The following CBARP variants were observed in gnomAD, a reference collection of about 807,000 sequenced individuals.
The protein encoded by CBARP is voltage-dependent calcium channel beta subunit-associated regulatory protein.
A neutral mutation model predicts 36.3 loss-of-function variants in CBARP; 24 were observed. The observed-to-expected ratio is 0.66, with a 90% CI of 0.48 to 0.93. The LOEUF (loss-of-function observed/expected upper bound fraction) is 0.93. Ranked by LOEUF, CBARP falls within the 40% of genes least tolerant of loss-of-function variation. The pLI is 0.00. For synonymous variants in CBARP, 586 were observed against 453.2 expected (o/e 1.29, Z -3.72); for missense variants, 1,146 against 980.4 (o/e 1.17, Z -2.26).
At position 1,229,936 on chromosome 19, in the gene CBARP, C is replaced by T; in HGVS notation, c.1361G>A (p.Ser454Asn). The change falls in exon 10 of 10, where the codon AGC becomes AAC. Residue 454 changes from serine to asparagine, a missense_variant. Ser to Asn is a conservative substitution (Grantham distance 46). Transcript: ENST00000650044. The surrounding 1 kb of genome is among the most constrained non-coding windows in gnomAD (Gnocchi z 5.1). ...LELHAAASDH[S>N]SSGNDRDSVR... ...CGAGTCGCGGTCGTTGCCGCTGCTGCTGTGGTCCGAGGCGGCCGCATGCAG... is the reference window on the plus strand; with the variant it reads ...CGAGTCGCGGTCGTTGCCGCTGCTGTTGTGGTCCGAGGCGGCCGCATGCAG... The T allele has an allele frequency of 8.4e-7, 1 of 1,186,372 alleles. No homozygotes were observed. Among genetic ancestry groups the T allele is most frequent in the East Asian group, 1.0e-4 (1 of 9,954 alleles). 73.5% of individuals were successfully genotyped at this position (1,186,372 alleles called of 1,614,324 possible).
intron 9 of CBARP, chr19:1,230,878 C>A: frequency 1.3e-6 from 2 of 1,509,254 alleles, no homozygotes; most frequent in Non-Finnish European, 1.8e-6. Flanking sequence ...CTCCTCCCCA[C>A]CCACCGCCCT....
chr19:1,230,525 A>C, intron 9 of CBARP: 1 of 1,028,600 alleles, frequency 9.7e-7, no homozygotes. Flanking sequence ...GCTCCAGGCT[A>C]GGGCTCTCTG....
rs758813156 is a variant in CBARP, at chr19:1,231,259, G to A, written c.996C>T (p.His332=). The change falls in exon 9 of 10, where the codon CAC becomes CAT. Residue 332 remains histidine, a synonymous_variant. Transcript: ENST00000650044. ...TGGCTGCCCGCTGCCGCTGGAAGTG[G>A]TGCCGCTTGGGGGAACCTGCGCACG... ...SLDTRGSPKR[H]HFQRQRAASE... 10 of 1,601,156 alleles carry A rather than the reference G, an allele frequency of 6.2e-6. No individual in the cohort carries two copies. Among genetic ancestry groups the A allele is most frequent in the African/African-American group, 5.3e-5 (4 of 75,004 alleles).
In CBARP at chr19:1,236,337, G is replaced by A. The variant is rs1360218399; in HGVS notation, c.-21-216C>T. On this transcript the variant is annotated intron_variant, in intron 1 of 9. Coordinates refer to ENST00000650044, the MANE Select transcript of CBARP (RefSeq NM_001393918.1). ...GACCTCCATCTCCCATCCCCATGGC[G>A]GGGGAGGAGGCCTGGCCCTCTGAGG... Among the ~76,000 whole-genome samples, 5 of 152,198 alleles carry A rather than the reference G, an allele frequency of 3.3e-5. No individual in the cohort carries two copies. In the South Asian group the frequency reaches 6.2e-4, roughly 19 times the overall value.
chr19:1,235,696 G>T (rs773259057), intron 3 of CBARP, 83 bp downstream of exon 3: 2 of 1,599,934 alleles, frequency 1.3e-6, no homozygotes, highest in East Asian at 2.3e-5. Flanking sequence ...CTGTGACTCA[G>T]AAGCCAGTGA....
intron 5 of CBARP, 48 bp from the exon 6 acceptor site, chr19:1,234,790 T>C (rs1166787208): frequency 3.2e-6 from 5 of 1,577,784 alleles, no homozygotes; most frequent in Non-Finnish European, 1.7e-6. Flanking sequence ...CCATGCCCGA[T>C]GCCCCAGCTG....
At chr19:1,233,051 G>C (rs1395096613) in intron 8 of CBARP, among the ~76,000 whole-genome samples, 1 of 152,238 alleles carries the variant, frequency 6.6e-6, no homozygotes, top group Non-Finnish European at 1.5e-5. Flanking sequence ...TGAGAGCCGA[G>C]CATGGCTGGG....
chr19:1,234,700 G>C lies in CBARP; in HGVS notation c.498C>G (p.Ala166=), dbSNP rs368720347. Residue 166 remains alanine, a synonymous_variant, in exon 6 of 10, where the codon GCC becomes GCG. Coordinates refer to ENST00000650044, the MANE Select transcript of CBARP (RefSeq NM_001393918.1). ...TEGDFHHLKN[A]RLTHLHLPPL... Reference sequence around the variant, plus strand: ...GCGGCAGGTGCAGGTGCGTGAGCCGGGCATTCTTCAGGTGGTGGAAGTCCC... The same window carrying C: ...GCGGCAGGTGCAGGTGCGTGAGCCGCGCATTCTTCAGGTGGTGGAAGTCCC... 54 of 1,613,070 alleles carry C rather than the reference G, an allele frequency of 3.3e-5. No individual in the cohort carries two copies. Among genetic ancestry groups the C allele is most frequent in the Non-Finnish European group, 4.4e-5 (52 of 1,179,786 alleles).
chr19:1,233,334 C>G, intron 8 of CBARP, 92 bp downstream of exon 8: 1 of 1,317,682 alleles, frequency 7.6e-7, no homozygotes. Context: ...CCACCCAGCC[C>G]ACAACCTCCT....
Position 1,236,855 on chromosome 19 carries a change from G to T in CBARP, c.-21-734C>A, listed in dbSNP as rs1416011158. On this transcript the variant is annotated intron_variant, in intron 1 of 9. Coordinates refer to ENST00000650044, the MANE Select transcript of CBARP (RefSeq NM_001393918.1). ...GGGGGCGCGGGGGCGGCGGCCTGGG[G>T]GGGGGCGGCGGCCTCGGGGGGGCGG... Among the ~76,000 whole-genome samples, 1,001 of 146,494 alleles carry T rather than the reference G, an allele frequency of 6.8e-3. 10 individuals carry two copies. The highest frequency in any genetic ancestry group is 0.024 in the African/African-American group (958 of 40,660).
chr19:1,229,814 C>T lies in CBARP; in HGVS notation c.1483G>A (p.Ala495Thr). Residue 495 changes from alanine to threonine, a missense_variant, in exon 10 of 10, where the codon GCG becomes ACG. Physicochemically the swap from Ala to Thr is moderately conservative, Grantham distance 58. Transcript: ENST00000650044. The surrounding 1 kb of genome is among the most constrained non-coding windows in gnomAD (Gnocchi z 5.1). Reference sequence around the variant, plus strand: ...CTGTCCATCTGCAGCAGCCGGCGCGCCTCGCCGTCCTTGGGCCGCGGCGCG... The same window carrying T: ...CTGTCCATCTGCAGCAGCCGGCGCGTCTCGCCGTCCTTGGGCCGCGGCGCG... ...PPAPRPKDGE[A>T]RRLLQMDSGY... 1.0e-6 allele frequency: 1 copy of T among 992,636 alleles called. No individual in the cohort carries two copies. Among genetic ancestry groups the T allele is most frequent in the South Asian group, 3.9e-5 (1 of 25,538 alleles). The allele number at this position is 992,636 out of a possible 1,614,324, so 61.5% of individuals were successfully genotyped here.
In CBARP at chr19:1,231,092, GA is replaced by G; in HGVS notation, c.1154+8del. On this transcript the variant is annotated splice_region_variant and intron_variant, in intron 9 of 9. Transcript: ENST00000650044. ...TCCACCCCTAGCACCTCCATCTACT[GA>G]AAAATACCTGCCGAGAGCAGGGGGC... 1 of 1,595,472 alleles carries G rather than the reference GA, an allele frequency of 6.3e-7. No individual in the cohort carries two copies. Among genetic ancestry groups the G allele is most frequent in the Non-Finnish European group, 8.5e-7 (1 of 1,169,632 alleles).
chr19:1,235,714 C>T (rs1158656902), intron 3 of CBARP, 65 bp downstream of exon 3: 3 of 1,603,368 alleles, frequency 1.9e-6, no homozygotes, highest in African/African-American at 2.7e-5. Context: ...TGAGGTAGAC[C>T]CCCCACCACC....
chr19:1,233,342 C>T (rs888349489), intron 8 of CBARP, 84 bp downstream of exon 8: 4 of 1,360,564 alleles, frequency 2.9e-6, no homozygotes, highest in African/African-American at 2.9e-5. Context: ...CCCACAACCT[C>T]CTGCTCCTGG....
chr19:1,233,386 G>C (rs1008715814), intron 8 of CBARP, 40 bp downstream of exon 8: 2 of 1,524,572 alleles, frequency 1.3e-6, no homozygotes, highest in South Asian at 1.2e-5. Flanking sequence ...CCAGCACCCA[G>C]CCCACAGGGG....
At position 1,230,037 on chromosome 19, in the gene CBARP, G is replaced by C; in HGVS notation, c.1260C>G (p.Asp420Glu). Residue 420 changes from aspartate to glutamate, a missense_variant, in exon 10 of 10, where the codon GAC becomes GAG. Coordinates refer to ENST00000650044, the MANE Select transcript of CBARP (RefSeq NM_001393918.1). ...GCTCGGGGCCCGCGTCCCGCTCGGC[G>C]TCCGGCTCCAGTGGCGGCTGCTGCT... ...PEQQQPPLEP[D>E]AERDAGPEQA... The C allele has an allele frequency of 1.6e-6, 2 of 1,222,508 alleles. No individual in the cohort carries two copies. Among genetic ancestry groups the C allele is most frequent in the Non-Finnish European group, 2.1e-6 (2 of 959,848 alleles). The allele number at this position is 1,222,508 out of a possible 1,614,324, so 75.7% of individuals were successfully genotyped here.
At chr19:1,235,943 G>A in intron 2 of CBARP, 25 bp from the exon 3 acceptor site, 1 of 1,600,418 alleles carries the variant, frequency 6.2e-7, no homozygotes, top group Non-Finnish European at 8.5e-7. Context: ...GGGGGGTCAG[G>A]TGCTGCTGGC....
At chr19:1,231,034 AGGG>A in intron 9 of CBARP, 64 bp downstream of exon 9, 1 of 1,546,700 alleles carries the variant, frequency 6.5e-7, no homozygotes, top group Non-Finnish European at 8.8e-7. Context: ...TGGGCCGCCT[AGGG>A]GGGGGCGAAG....
Position 1,231,266 on chromosome 19 carries a change from T to C in CBARP, c.989A>G (p.Lys330Arg), listed in dbSNP as rs1320033072. Residue 330 changes from lysine to arginine, a missense_variant, in exon 9 of 10, where the codon AAG becomes AGG. By Grantham distance (26) the Lys-to-Arg change is conservative. Coordinates refer to ENST00000650044, the MANE Select transcript of CBARP (RefSeq NM_001393918.1). ...AASLDTRGSP[K>R]RHHFQRQRAA... ...CCGCTGCCGCTGGAAGTGGTGCCGCTTGGGGGAACCTGCGCACGGGATGTG... is the reference window on the plus strand; with the variant it reads ...CCGCTGCCGCTGGAAGTGGTGCCGCCTGGGGGAACCTGCGCACGGGATGTG... 1.9e-6 allele frequency: 3 copies of C among 1,600,580 alleles called. No homozygotes were observed. The highest frequency in any genetic ancestry group is 1.7e-5 in the Admixed American group (1 of 59,962).
Sources: gnomAD v4.1 joint callset for allele counts (sites outside exome capture counted in the v4.1 genomes callset) on GRCh38, gnomAD v4.1.1 for gene constraint, Gnocchi (gnomAD v3.1) non-coding constraint, MANE v1.5 for transcripts, NCBI Gene and HGNC (gene_info 2026-07-23, HGNC 2026-07-21) for gene names.